The following AHCYL2 variants were observed in gnomAD, a reference collection of about 807,000 sequenced individuals.
AHCYL2 encodes adenosylhomocysteinase like 2, also known as S-adenosylhomocysteine hydrolase-like protein 2.
A neutral mutation model predicts 81.4 loss-of-function variants in AHCYL2; 28 were observed. The ratio of observed to expected loss-of-function variants is 0.34; its 90% confidence interval spans 0.25 to 0.47. AHCYL2 has a LOEUF of 0.47. Among genes scored for constraint, AHCYL2 ranks in the 20% least tolerant of loss-of-function variants. The probability of loss-of-function intolerance (pLI) is 1.00; values close to 1 mark genes in which losing one functional copy is unlikely to be tolerated. For missense variants in AHCYL2, 551 were observed against 785.1 expected, an observed-to-expected ratio of 0.70 and a Z score of 3.56; for synonymous variants, 272 against 290.2, an observed-to-expected ratio of 0.94 and a Z score of 0.64.
At chr7:129,308,814 A>G (rs1167427357) in intron 1 of AHCYL2, among the ~76,000 whole-genome samples, 2 of 152,238 alleles carry the variant, frequency 1.3e-5, no homozygotes, top group Non-Finnish European at 2.9e-5. Flanking sequence ...GCCCTGGGCC[A>G]CATGATCTGG....
chr7:129,268,528 A>G (rs1563173548), intron 1 of AHCYL2, among the ~76,000 whole-genome samples: 1 of 151,856 alleles, frequency 6.6e-6, no homozygotes, highest in African/African-American at 2.4e-5. Flanking sequence ...TTGTATTTTT[A>G]TAGTAGAGAT....
In AHCYL2 at chr7:129,294,333, G is replaced by A. The variant is rs73722928; in HGVS notation, c.363+68894G>A. Among the ~76,000 whole-genome samples the A allele has an allele frequency of 3.4e-3, 517 of 152,134 alleles. 1 individual carries two copies. The highest frequency in any genetic ancestry group is 0.012 in the African/African-American group (500 of 41,522). The stretch of plus-strand genomic sequence containing the variant: ...TAATGCTTCAATTTCCTTGATTCTT[G>A]TCCCTTAATTTTTAGGGGTCATTGA... On this transcript the variant is annotated intron_variant, in intron 1 of 16. Coordinates refer to ENST00000325006, the MANE Select transcript of AHCYL2 (RefSeq NM_015328.4).
At position 129,368,324 on chromosome 7, in the gene AHCYL2, C is replaced by T. The variant is rs1375967689; in HGVS notation, c.364-11314C>T. ...GGGGTTGTCAGGCAGTTGACTAATG[C>T]TCTTGATTTGAATCGGAGGCTGCTG... On this transcript the variant is annotated intron_variant, in intron 1 of 16. Transcript: ENST00000325006. This position sits in a 1 kb window ranked among gnomAD's most constrained non-coding sequence, Gnocchi z 4.4. 6.9e-7 allele frequency: 1 copy of T among 1,448,474 alleles called. No individual in the cohort carries two copies. Among genetic ancestry groups the T allele is most frequent in the East Asian group, 2.5e-5 (1 of 39,888 alleles). The allele number at this position is 1,448,474 out of a possible 1,614,324, so 89.7% of individuals were successfully genotyped here.
chr7:129,299,118 A>G (rs200135372), intron 1 of AHCYL2, among the ~76,000 whole-genome samples: 1 of 151,612 alleles, frequency 6.6e-6, no homozygotes, highest in East Asian at 1.9e-4. Context: ...ATTTTTTGAC[A>G]TTTTTGGGGG....
chr7:129,368,820 T>C lies in AHCYL2; in HGVS notation c.364-10818T>C, dbSNP rs1316016304. Among the ~76,000 whole-genome samples, 1 of 152,208 alleles carries C rather than the reference T, an allele frequency of 6.6e-6. No homozygotes were observed. Among genetic ancestry groups the C allele is most frequent in the Non-Finnish European group, 1.5e-5 (1 of 68,020 alleles). Reference sequence around the variant, plus strand: ...TGGGCAGGGGCTTTCCTCCGGCTGCTGGTGTGATGTATGGGTTGTGTTTCC... The same window carrying C: ...TGGGCAGGGGCTTTCCTCCGGCTGCCGGTGTGATGTATGGGTTGTGTTTCC... On this transcript the variant is annotated intron_variant, in intron 1 of 16. Coordinates refer to ENST00000325006, the MANE Select transcript of AHCYL2 (RefSeq NM_015328.4). The surrounding 1 kb of genome is among the most constrained non-coding windows in gnomAD (Gnocchi z 4.4).
intron 1 of AHCYL2, among the ~76,000 whole-genome samples, chr7:129,299,234 G>A (rs34721141): frequency 0.024 from 3,646 of 149,820 alleles, 77 homozygotes; most frequent in Admixed American, 0.057. Flanking sequence ...CTTGAGGCTG[G>A]GAGTTTGAGA....
intron 1 of AHCYL2, among the ~76,000 whole-genome samples, chr7:129,311,735 C>T (rs541107812): frequency 1.4e-4 from 21 of 152,284 alleles, no homozygotes; most frequent in African/African-American, 3.6e-4. Context: ...TCACATCTTA[C>T]GTGGATTATT....
intron 12 of AHCYL2, 82 bp from the exon 13 acceptor site, chr7:129,422,758 T>C: frequency 7.9e-7 from 1 of 1,268,660 alleles, no homozygotes; most frequent in Non-Finnish European, 1.1e-6. Context: ...ACCTGCTATT[T>C]GAAATGGCTC....
chr7:129,413,434 C>T (rs1039425392), intron 11 of AHCYL2, among the ~76,000 whole-genome samples, 160 bp from the exon 12 acceptor site: 13 of 151,452 alleles, frequency 8.6e-5, no homozygotes, highest in African/African-American at 3.2e-4. Flanking sequence ...AGCCACCGCG[C>T]CTGGCCTGGC....
chr7:129,239,777 C>T (rs911813043), intron 1 of AHCYL2, among the ~76,000 whole-genome samples: 25 of 151,834 alleles, frequency 1.6e-4, no homozygotes, highest in African/African-American at 6.1e-4. Context: ...TATATAGAGA[C>T]AGACACACCG....
At chr7:129,285,822 C>T (rs960000019) in intron 1 of AHCYL2, among the ~76,000 whole-genome samples, 2 of 151,828 alleles carry the variant, frequency 1.3e-5, no homozygotes, top group African/African-American at 4.8e-5. Flanking sequence ...GCAATCCTCC[C>T]ACCTTGGTCT....
chr7:129,379,387 G>T (rs1055895486), intron 1 of AHCYL2, among the ~76,000 whole-genome samples: 8 of 151,884 alleles, frequency 5.3e-5, no homozygotes, highest in African/African-American at 1.9e-4. Flanking sequence ...AGTCCCAGCT[G>T]TGTGAGAGGA....
At position 129,427,967 on chromosome 7, in the gene AHCYL2, T is replaced by A. The variant is rs1441899208; in HGVS notation, c.*922T>A. On this transcript the variant is annotated 3_prime_UTR_variant, in exon 17 of 17. Coordinates refer to ENST00000325006, the MANE Select transcript of AHCYL2 (RefSeq NM_015328.4). This position sits in a 1 kb window ranked among gnomAD's most constrained non-coding sequence, Gnocchi z 5.5. ...TATTGCCTAAAGCTACGTCTGAAAC[T>A]GAGTAGGGAAAGGCATACTTTTCCA... is the stretch of plus-strand genomic sequence containing the variant. 2 of 152,424 alleles carry A rather than the reference T, an allele frequency of 1.3e-5. No individual in the cohort carries two copies. The highest frequency in any genetic ancestry group is 4.8e-5 in the African/African-American group (2 of 41,430). 9.4% of individuals were successfully genotyped at this position (152,424 alleles called of 1,614,324 possible).
At chr7:129,281,379 G>T (rs189437185) in intron 1 of AHCYL2, among the ~76,000 whole-genome samples, 1 of 151,812 alleles carries the variant, frequency 6.6e-6, no homozygotes, top group African/African-American at 2.4e-5. Context: ...AAATGGGGTA[G>T]GAAATGTTTC....
chr7:129,419,809 GT>G lies in AHCYL2; in HGVS notation c.1462-3030del, dbSNP rs969182514. Among the ~76,000 whole-genome samples the G allele has an allele frequency of 8.5e-5, 13 of 152,182 alleles. No individual in the cohort carries two copies. The highest frequency in any genetic ancestry group is 2.9e-4 in the African/African-American group (12 of 41,528). ...AGACCAATTTGTGCAAGCATAATGAGTGGCCAGTTTATGGTGGGATGTACAC... is the reference window on the plus strand; with the variant it reads ...AGACCAATTTGTGCAAGCATAATGAGGGCCAGTTTATGGTGGGATGTACAC... On this transcript the variant is annotated intron_variant, in intron 12 of 16. Coordinates refer to ENST00000325006, the MANE Select transcript of AHCYL2 (RefSeq NM_015328.4). This position sits in a 1 kb window ranked among gnomAD's most constrained non-coding sequence, Gnocchi z 4.7.
intron 1 of AHCYL2, among the ~76,000 whole-genome samples, chr7:129,239,906 C>T (rs1200222088): frequency 6.6e-6 from 1 of 151,980 alleles, no homozygotes; most frequent in Non-Finnish European, 1.5e-5. Flanking sequence ...TTCCCACACA[C>T]AGAGACCCCA....
At chr7:129,276,342 A>C (rs1796203388) in intron 1 of AHCYL2, among the ~76,000 whole-genome samples, 1 of 152,106 alleles carries the variant, frequency 6.6e-6, no homozygotes, top group Non-Finnish European at 1.5e-5. Flanking sequence ...GAAAAAAAAC[A>C]GAGTTCATTA....
intron 1 of AHCYL2, among the ~76,000 whole-genome samples, chr7:129,234,359 C>A (rs1284864232): frequency 6.6e-6 from 1 of 152,154 alleles, no homozygotes; most frequent in South Asian, 2.1e-4. Flanking sequence ...ATTCTGCTGC[C>A]TCGGCCTCTC....
intron 1 of AHCYL2, among the ~76,000 whole-genome samples, chr7:129,303,726 A>T (rs1423329350): frequency 6.6e-6 from 1 of 152,106 alleles, no homozygotes; most frequent in African/African-American, 2.4e-5. Flanking sequence ...CTTATTTAAG[A>T]TGCATTGTTA....
Sources: allele counts gnomAD v4.1 joint callset (sites outside exome capture counted in the v4.1 genomes callset), GRCh38; gene constraint gnomAD v4.1.1; non-coding constraint Gnocchi (gnomAD v3.1); transcripts MANE v1.5; gene names NCBI Gene and HGNC (gene_info 2026-07-23, HGNC 2026-07-21).